The following PRKAR1B variants were observed in gnomAD, a reference collection of about 807,000 sequenced individuals.
PRKAR1B encodes the protein cAMP-dependent protein kinase type I-beta regulatory subunit.
In PRKAR1B, 22 loss-of-function variants were observed where a neutral mutation model predicts 46.5. The observed-to-expected ratio is 0.47, with a 90% CI of 0.34 to 0.68. The LOEUF is 0.68. Among genes scored for constraint, PRKAR1B ranks in the 30% least tolerant of loss-of-function variants. The pLI, the probability that PRKAR1B is intolerant of heterozygous loss-of-function variation, is 0.01. For synonymous variants in PRKAR1B, 259 were observed against 217.7 expected (o/e 1.19, Z -1.67); for missense variants, 445 against 535.6 (o/e 0.83, Z 1.67).
Position 726,877 on chromosome 7 carries a change from C to T in PRKAR1B, c.-23+333G>A. 7.5e-7 allele frequency: 1 copy of T among 1,327,230 alleles called. No individual in the cohort carries two copies. The highest frequency in any genetic ancestry group is 9.6e-7 in the Non-Finnish European group (1 of 1,040,826). The allele number at this position is 1,327,230 out of a possible 1,614,324, so 82.2% of individuals were successfully genotyped here. On this transcript the variant is annotated intron_variant, in intron 1 of 10. Transcript: ENST00000537384. Reference sequence around the variant, plus strand: ...GGGCCGGCGGCGCGCCTTGGAGGCCCTGCGGCGCGCGCTGGAGGAGCCAGG... The same window carrying T: ...GGGCCGGCGGCGCGCCTTGGAGGCCTTGCGGCGCGCGCTGGAGGAGCCAGG...
At chr7:712,772 G>C (rs1437960511) in intron 1 of PRKAR1B, 1 of 144,142 alleles carries the variant, frequency 6.9e-6, no homozygotes, top group African/African-American at 2.6e-5. Context: ...TGCAGGCCGC[G>C]GGGCCGCCTC....
intron 4 of PRKAR1B, among the ~76,000 whole-genome samples, chr7:628,657 G>T (rs1783551736): frequency 6.6e-6 from 1 of 152,204 alleles, no homozygotes; most frequent in Non-Finnish European, 1.5e-5. Flanking sequence ...GGCGATGGCG[G>T]GAAAAGCAGG....
chr7:664,831 T>G (rs1785815528), intron 4 of PRKAR1B, among the ~76,000 whole-genome samples: 1 of 152,042 alleles, frequency 6.6e-6, no homozygotes, highest in African/African-American at 2.4e-5. Flanking sequence ...GGAGGATCAC[T>G]TGAGCCCAGG....
chr7:562,879 C>A (rs528441834), intron 9 of PRKAR1B, among the ~76,000 whole-genome samples: 2 of 152,324 alleles, frequency 1.3e-5, no homozygotes, highest in South Asian at 2.1e-4. Context: ...TGCCCAGACA[C>A]CAGCAGAGAT....
chr7:631,786 C>CT (rs1783757839), intron 4 of PRKAR1B, among the ~76,000 whole-genome samples: 1 of 149,926 alleles, frequency 6.7e-6, no homozygotes, highest in Admixed American at 6.6e-5. Context: ...ACCCCCATCT[C>CT]TAAAAAAAAA....
intron 4 of PRKAR1B, among the ~76,000 whole-genome samples, chr7:669,024 C>G (rs1272733770): frequency 6.6e-6 from 1 of 152,170 alleles, no homozygotes; most frequent in Non-Finnish European, 1.5e-5. Context: ...CACCTGCACA[C>G]CCATGTTCAC....
At chr7:715,642 G>A (rs578149205) in intron 1 of PRKAR1B, among the ~76,000 whole-genome samples, 1 of 152,162 alleles carries the variant, frequency 6.6e-6, no homozygotes, top group East Asian at 1.9e-4. Flanking sequence ...CCCATAGAAT[G>A]TGCCTGTAGG....
At chr7:665,471 C>G (rs78782089) in intron 4 of PRKAR1B, among the ~76,000 whole-genome samples, 3,114 of 152,300 alleles carry the variant, frequency 0.02, 61 homozygotes, top group East Asian at 0.13. Flanking sequence ...TCATCTGATG[C>G]AAGCTTCAAA....
At chr7:622,522 C>T (rs979053295) in intron 4 of PRKAR1B, among the ~76,000 whole-genome samples, 1 of 152,192 alleles carries the variant, frequency 6.6e-6, no homozygotes, top group Non-Finnish European at 1.5e-5. Context: ...GAGTTATTAG[C>T]ACTTCCAACA....
At chr7:726,458 CAT>C in intron 1 of PRKAR1B, 1 of 344,884 alleles carries the variant, frequency 2.9e-6, no homozygotes, top group Middle Eastern at 7.6e-4. Context: ...CCGGGACCCG[CAT>C]CCCGGGCGAG....
At chr7:559,561 C>T (rs1270517288) in intron 9 of PRKAR1B, among the ~76,000 whole-genome samples, 6 of 152,190 alleles carry the variant, frequency 3.9e-5, no homozygotes, top group Non-Finnish European at 8.8e-5. Context: ...AGCCCAGGCC[C>T]GCTGTGCTCA....
chr7:711,756 CA>C (rs1167881235), intron 1 of PRKAR1B, among the ~76,000 whole-genome samples: 2 of 151,990 alleles, frequency 1.3e-5, no homozygotes, highest in African/African-American at 2.4e-5. Context: ...GGGGCTCAGG[CA>C]GGGGGGGAGG....
intron 4 of PRKAR1B, among the ~76,000 whole-genome samples, chr7:655,484 G>C (rs151135582): frequency 1.2e-4 from 18 of 152,200 alleles, no homozygotes; most frequent in African/African-American, 4.1e-4. Context: ...TCTCAGCATG[G>C]CTTTTCCAGG....
At chr7:660,883 A>T (rs1339750624) in intron 4 of PRKAR1B, among the ~76,000 whole-genome samples, 1 of 94,358 alleles carries the variant, frequency 1.1e-5, no homozygotes, top group South Asian at 3.9e-4. Flanking sequence ...ACAGGTCCCT[A>T]CTCCAACGGG....
At chr7:637,129 A>G (rs1784154465) in intron 4 of PRKAR1B, among the ~76,000 whole-genome samples, 1 of 152,130 alleles carries the variant, frequency 6.6e-6, no homozygotes, top group African/African-American at 2.4e-5. Context: ...CTACAAAAAC[A>G]TACAAAAATT....
At chr7:726,413 G>T (rs1781281767) in intron 1 of PRKAR1B, among the ~76,000 whole-genome samples, 1 of 152,164 alleles carries the variant, frequency 6.6e-6, no homozygotes, top group South Asian at 2.1e-4. Flanking sequence ...AGGCTGCAGG[G>T]CAGGCTTCCC....
At chr7:555,308 G>C (rs1360723721) in intron 9 of PRKAR1B, among the ~76,000 whole-genome samples, 1 of 152,148 alleles carries the variant, frequency 6.6e-6, no homozygotes, top group Non-Finnish European at 1.5e-5. Context: ...GACTGCTCCC[G>C]GACACACCAC....
chr7:582,081 C>G (rs1053262484), intron 8 of PRKAR1B, among the ~76,000 whole-genome samples: 4 of 152,246 alleles, frequency 2.6e-5, no homozygotes, highest in African/African-American at 7.2e-5. Flanking sequence ...AGAATAAACG[C>G]AGTCACGTGT....
chr7:714,272 C>T lies in PRKAR1B; in HGVS notation c.-22-2745G>A, dbSNP rs1361568246. 6.6e-6 allele frequency among the ~76,000 whole-genome samples: 1 copy of T among 152,180 alleles called. No individual in the cohort carries two copies. The highest frequency in any genetic ancestry group is 1.5e-5 in the Non-Finnish European group (1 of 68,016). On this transcript the variant is annotated intron_variant, in intron 1 of 10. Coordinates refer to ENST00000537384, the MANE Select transcript of PRKAR1B (RefSeq NM_001164760.2). The surrounding 1 kb of genome is among the most constrained non-coding windows in gnomAD (Gnocchi z 4.3). ...CTCCCTGTAAAGACTTCCCCCACAC[C>T]GTGCCTCTAGAGGAGAGTGGAGGCA...
Sources: gnomAD v4.1 joint callset for allele counts (sites outside exome capture counted in the v4.1 genomes callset) on GRCh38, gnomAD v4.1.1 for gene constraint, Gnocchi (gnomAD v3.1) non-coding constraint, MANE v1.5 for transcripts, NCBI Gene and HGNC (gene_info 2026-07-23, HGNC 2026-07-21) for gene names.